GLRB: variants seen among roughly 807,000 people sequenced by gnomAD.
The protein encoded by GLRB is glycine receptor beta.
GLRB carries 33 observed loss-of-function variants against 54.2 expected under a neutral mutation model. That is an observed-to-expected ratio of 0.61 (90% CI 0.46 to 0.81). GLRB has a LOEUF of 0.81. GLRB is among the 40% of genes least tolerant of loss of function. The pLI is 0.00. For missense variants in GLRB, 572 were observed against 584.6 expected (o/e 0.98, Z 0.22); for synonymous variants, 209 against 208.2 (o/e 1.00, Z -0.03).
chr4:157,157,461 G>A (rs1048966143), intron 9 of GLRB, among the ~76,000 whole-genome samples: 2 of 152,054 alleles, frequency 1.3e-5, no homozygotes, highest in Admixed American at 6.5e-5. Context: ...ATTTACATTA[G>A]GTAGATCTCC....
intron 4 of GLRB, among the ~76,000 whole-genome samples, chr4:157,132,507 T>C (rs1736253873): frequency 6.6e-6 from 1 of 151,918 alleles, no homozygotes; most frequent in East Asian, 1.9e-4. Context: ...AAGTTTTTAC[T>C]CTTTGGGAAC....
At chr4:157,137,030 T>G in intron 6 of GLRB, 144 bp downstream of exon 6, 1 of 639,392 alleles carries the variant, frequency 1.6e-6, no homozygotes, top group Non-Finnish European at 2.8e-6. Context: ...TTAGGGAAAT[T>G]ATAGTTACTC....
chr4:157,102,148 A>G, intron 2 of GLRB, among the ~76,000 whole-genome samples: 1 of 152,148 alleles, frequency 6.6e-6, no homozygotes, highest in Non-Finnish European at 1.5e-5. Context: ...TACAGTGTGG[A>G]TTGTTTTGGG....
intron 8 of GLRB, among the ~76,000 whole-genome samples, chr4:157,145,676 C>G (rs1326990881): frequency 6.6e-6 from 1 of 152,082 alleles, no homozygotes; most frequent in East Asian, 1.9e-4. Context: ...TGGGAAGAAA[C>G]AGGCACCAAA....
chr4:157,169,469 G>T (rs2126636199), intron 9 of GLRB, among the ~76,000 whole-genome samples: 1 of 152,192 alleles, frequency 6.6e-6, no homozygotes, highest in African/African-American at 2.4e-5. Flanking sequence ...GTGGGGAATT[G>T]GTTCCAGTAT....
chr4:157,152,935 T>C lies in GLRB; in HGVS notation c.1122T>C (p.Asp374=), dbSNP rs1381492691. Residue 374 remains aspartate, a synonymous_variant, in exon 9 of 10, where the codon GAT becomes GAC. Coordinates refer to ENST00000264428, the MANE Select transcript of GLRB (RefSeq NM_000824.5). The stretch of plus-strand genomic sequence containing the variant: ...GAATTGCTAAGGCTGAGCAAGCAGA[T>C]GGAAAAGGTGGAAATGTGGCTAAAA... ...KARIAKAEQA[D]GKGGNVAKKN... is the part of the protein sequence containing the mutation. The C allele has an allele frequency of 6.2e-7, 1 of 1,613,842 alleles. No homozygotes were observed. The highest frequency in any genetic ancestry group is 8.5e-7 in the Non-Finnish European group (1 of 1,179,850).
chr4:157,101,315 G>A (rs1735017337), intron 2 of GLRB, among the ~76,000 whole-genome samples: 1 of 151,850 alleles, frequency 6.6e-6, no homozygotes, highest in South Asian at 2.1e-4. Context: ...GACCTATAAT[G>A]TTCTGAATTG....
intron 9 of GLRB, among the ~76,000 whole-genome samples, chr4:157,162,799 A>C (rs780319867): frequency 1.3e-5 from 2 of 152,198 alleles, no homozygotes; most frequent in Non-Finnish European, 2.9e-5. Context: ...CCACTTGAGA[A>C]GGCAGTCTGT....
rs372401049 is a variant in GLRB, at chr4:157,136,624, C to G, written c.453C>G (p.Ala151=). 14 of 1,613,116 alleles carry G rather than the reference C, an allele frequency of 8.7e-6. No individual in the cohort carries two copies. The highest frequency in any genetic ancestry group is 1.2e-5 in the Non-Finnish European group (14 of 1,179,338). ...TATTTTTTGCAAATGAAAAAAGTGC[C>G]AATTTTCATGATGTGACCCAGGAAA... The part of the protein sequence containing the change: ...PDLFFANEKS[A]NFHDVTQENI... Residue 151 remains alanine (A), a synonymous_variant, in exon 5 of 10, where the codon GCC becomes GCG. Coordinates refer to ENST00000264428, the MANE Select transcript of GLRB (RefSeq NM_000824.5).
Position 157,094,427 on chromosome 4 carries a change from GTTTA to G in GLRB, c.122+16285_122+16288del, listed in dbSNP as rs144393932. ...GTATTCCATTATATGAATCACTGCAGTTTATTTTTCTGTTTTGCTCTTCATAAAC... is the reference window on the plus strand; with the variant it reads ...GTATTCCATTATATGAATCACTGCAGTTTTTCTGTTTTGCTCTTCATAAAC... On this transcript the variant is annotated intron_variant, in intron 2 of 9. Coordinates refer to ENST00000264428, the MANE Select transcript of GLRB (RefSeq NM_000824.5). 7.9e-3 allele frequency among the ~76,000 whole-genome samples: 1,196 copies of G among 152,260 alleles called. 23 individuals are homozygous for G. In the East Asian group the frequency reaches 0.1, roughly 13 times the overall value.
chr4:157,107,552 C>A (rs990778352), intron 2 of GLRB, among the ~76,000 whole-genome samples: 1 of 152,040 alleles, frequency 6.6e-6, no homozygotes, highest in African/African-American at 2.4e-5. Flanking sequence ...AAAGTCTAAT[C>A]CTAAGCAAGG....
chr4:157,139,718 T>C (rs1280528096), intron 7 of GLRB, among the ~76,000 whole-genome samples: 1 of 152,036 alleles, frequency 6.6e-6, no homozygotes, highest in Non-Finnish European at 1.5e-5. Flanking sequence ...TAATAATCAG[T>C]TCAACATGTA....
At chr4:157,077,962 A>G in intron 1 of GLRB, 34 bp from the exon 2 acceptor site, 3 of 1,428,334 alleles carry the variant, frequency 2.1e-6, no homozygotes, top group Non-Finnish European at 2.9e-6. Flanking sequence ...CATTTTCTTC[A>G]TAAATGTAAA....
intron 2 of GLRB, among the ~76,000 whole-genome samples, chr4:157,094,876 A>G (rs982086910): frequency 6.6e-6 from 1 of 151,654 alleles, no homozygotes; most frequent in African/African-American, 2.4e-5. Context: ...CTCAACAGAA[A>G]TGTGTACATG....
intron 2 of GLRB, among the ~76,000 whole-genome samples, chr4:157,081,393 C>T (rs577349615): frequency 1.1e-4 from 16 of 152,256 alleles, no homozygotes; most frequent in Non-Finnish European, 1.6e-4. Flanking sequence ...ACCCATACAT[C>T]CACCATTTCA....
At chr4:157,114,166 C>T (rs954139958) in intron 2 of GLRB, among the ~76,000 whole-genome samples, 1 of 151,828 alleles carries the variant, frequency 6.6e-6, no homozygotes, top group Admixed American at 6.6e-5. Flanking sequence ...TTTATATTTA[C>T]AGACCAGTAG....
intron 2 of GLRB, among the ~76,000 whole-genome samples, chr4:157,115,603 G>A (rs1735580803): frequency 6.6e-6 from 1 of 151,754 alleles, no homozygotes; most frequent in Non-Finnish European, 1.5e-5. Flanking sequence ...GAGGATGATT[G>A]ATCTGTTTCC....
intron 3 of GLRB, among the ~76,000 whole-genome samples, chr4:157,121,480 A>G (rs1255370951): frequency 6.7e-6 from 1 of 150,090 alleles, no homozygotes; most frequent in Non-Finnish European, 1.5e-5. Context: ...TGCCTTTAGA[A>G]AAAAAAAATA....
intron 2 of GLRB, among the ~76,000 whole-genome samples, chr4:157,117,805 A>G (rs76829062): frequency 0.02 from 2,992 of 151,810 alleles, 78 homozygotes; most frequent in African/African-American, 0.066. Context: ...AGATATATAG[A>G]AGCCATGAAT....
Sources: allele counts gnomAD v4.1 joint callset (sites outside exome capture counted in the v4.1 genomes callset), GRCh38; gene constraint gnomAD v4.1.1; transcripts MANE v1.5; gene names NCBI Gene and HGNC (gene_info 2026-07-23, HGNC 2026-07-21).